Variants in EEPD1 observed in about 807,000 individuals in gnomAD.
EEPD1 encodes endonuclease/exonuclease/phosphatase family domain containing 1, also known as endonuclease/exonuclease/phosphatase family domain-containing protein 1.
A neutral mutation model predicts 46.3 loss-of-function variants in EEPD1; 17 were observed. The observed-to-expected ratio is 0.37, with a 90% confidence interval of 0.25 to 0.55. The LOEUF (loss-of-function observed/expected upper bound fraction) is 0.55, where lower values mean the gene tolerates loss of function less well. Among genes scored for constraint, EEPD1 ranks in the 20% least tolerant of loss-of-function variants. The pLI, the probability that EEPD1 is intolerant of heterozygous loss-of-function variation, is 0.83. For synonymous variants in EEPD1, 313 were observed against 315.6 expected, an observed-to-expected ratio of 0.99 and a Z score of 0.09; for missense variants, 673 against 745.6, an observed-to-expected ratio of 0.90 and a Z score of 1.13.
chr7:36,175,912 GC>G (rs375964952), intron 2 of EEPD1, among the ~76,000 whole-genome samples: 226 of 152,350 alleles, frequency 1.5e-3, no homozygotes, highest in African/African-American at 5.1e-3. Context: ...AGCCAGAGGG[GC>G]TGAGCAGGTC....
chr7:36,265,712 G>T (rs1787004297), intron 3 of EEPD1, among the ~76,000 whole-genome samples: 1 of 152,066 alleles, frequency 6.6e-6, no homozygotes, highest in African/African-American at 2.4e-5. Flanking sequence ...GTGGTTTCTT[G>T]GGTTAGGAAA....
intron 5 of EEPD1, among the ~76,000 whole-genome samples, chr7:36,287,236 CAAAAAAAAA>C (rs377318198): frequency 1.7e-4 from 7 of 42,210 alleles, no homozygotes; most frequent in South Asian, 1.7e-3. Flanking sequence ...GACTCCTTCT[CAAAAAAAAA>C]AAAAAAAAAA....
intron 3 of EEPD1, among the ~76,000 whole-genome samples, chr7:36,241,884 A>G (rs1786559465): frequency 6.6e-6 from 1 of 152,200 alleles, no homozygotes; most frequent in South Asian, 2.1e-4. Context: ...AAACCCAAAA[A>G]TAACAGTTAT....
chr7:36,190,890 T>C (rs1785449925), intron 2 of EEPD1, among the ~76,000 whole-genome samples: 1 of 152,216 alleles, frequency 6.6e-6, no homozygotes, highest in Non-Finnish European at 1.5e-5. Context: ...GGCTCAGGCA[T>C]GACTTGCAGC....
intron 2 of EEPD1, among the ~76,000 whole-genome samples, chr7:36,161,637 T>A (rs1001208189): frequency 2.0e-5 from 3 of 152,104 alleles, no homozygotes; most frequent in Admixed American, 2.0e-4. Context: ...ACAAGGCTCC[T>A]CACAGTGAGA....
intron 2 of EEPD1, among the ~76,000 whole-genome samples, chr7:36,200,601 G>T (rs1423420853): frequency 1.3e-5 from 2 of 152,204 alleles, no homozygotes; most frequent in Non-Finnish European, 2.9e-5. Flanking sequence ...TTTCTCTCAA[G>T]GACATTGTGG....
chr7:36,196,577 G>A (rs1785593736), intron 2 of EEPD1, among the ~76,000 whole-genome samples: 1 of 152,242 alleles, frequency 6.6e-6, no homozygotes, highest in African/African-American at 2.4e-5. Flanking sequence ...ACGCCTGACT[G>A]GTTTTCCTGT....
intron 2 of EEPD1, among the ~76,000 whole-genome samples, chr7:36,206,542 T>C (rs1785821165): frequency 6.6e-6 from 1 of 152,116 alleles, no homozygotes; most frequent in Non-Finnish European, 1.5e-5. Context: ...AGCCATACAC[T>C]CAGCACCTTA....
intron 2 of EEPD1, among the ~76,000 whole-genome samples, chr7:36,158,595 C>T (rs1230269182): frequency 6.6e-6 from 1 of 152,144 alleles, no homozygotes; most frequent in Non-Finnish European, 1.5e-5. Context: ...ATCATACAGT[C>T]ACCAGGAGCC....
chr7:36,245,588 G>A (rs549577126), intron 3 of EEPD1, among the ~76,000 whole-genome samples: 1 of 152,234 alleles, frequency 6.6e-6, no homozygotes, highest in Non-Finnish European at 1.5e-5. Flanking sequence ...CTCTCCTAAC[G>A]CTACACAGAG....
At chr7:36,219,723 C>G (rs896616420) in intron 2 of EEPD1, among the ~76,000 whole-genome samples, 14 of 149,964 alleles carry the variant, frequency 9.3e-5, no homozygotes, top group Non-Finnish European at 1.6e-4. Context: ...AGCCCAATCC[C>G]CTAATTACTG....
At chr7:36,173,863 T>C (rs1304113918) in intron 2 of EEPD1, among the ~76,000 whole-genome samples, 3 of 152,140 alleles carry the variant, frequency 2.0e-5, no homozygotes, top group Non-Finnish European at 4.4e-5. Flanking sequence ...GGCAGCAGAG[T>C]CCACCACCCA....
At chr7:36,209,777 C>T (rs1054633401) in intron 2 of EEPD1, among the ~76,000 whole-genome samples, 2 of 152,142 alleles carry the variant, frequency 1.3e-5, no homozygotes, top group Non-Finnish European at 2.9e-5. Flanking sequence ...ATGAGAGATC[C>T]ACCTGCATGA....
At chr7:36,166,420 T>G (rs1784981047) in intron 2 of EEPD1, among the ~76,000 whole-genome samples, 2 of 152,198 alleles carry the variant, frequency 1.3e-5, no homozygotes, top group Non-Finnish European at 2.9e-5. Flanking sequence ...TTGCAACCAC[T>G]TAATTGTGAA....
chr7:36,295,102 C>T (rs967734446), intron 6 of EEPD1, among the ~76,000 whole-genome samples: 9 of 151,186 alleles, frequency 6.0e-5, no homozygotes, highest in East Asian at 1.9e-4. Flanking sequence ...TGCTTGAACC[C>T]GAGAGGCAGA....
At position 36,299,897 on chromosome 7, in the gene EEPD1, G is replaced by A. The variant is rs1389414884; in HGVS notation, c.*691G>A. The stretch of plus-strand genomic sequence containing the variant: ...GCGCCTTTTATGTCCCCACCTTGAG[G>A]CCTTGCAGAGGCGCCTCTCAAGGCC... On this transcript the variant is annotated 3_prime_UTR_variant, in exon 8 of 8. Transcript: ENST00000242108. The A allele has an allele frequency of 1.3e-5, 2 of 152,018 alleles. No homozygotes were observed. Among genetic ancestry groups the A allele is most frequent in the Non-Finnish European group, 2.9e-5 (2 of 68,096 alleles). The allele number at this position is 152,018 out of a possible 1,614,324, so 9.4% of individuals were successfully genotyped here. A position where few individuals can be genotyped will look rare whatever the true frequency, so the allele number is the denominator to read the frequency against.
chr7:36,266,587 A>G (rs1336928949), intron 3 of EEPD1, among the ~76,000 whole-genome samples: 1 of 152,236 alleles, frequency 6.6e-6, no homozygotes, highest in Non-Finnish European at 1.5e-5. Context: ...TTCACATAAC[A>G]TAAAATTAAT....
intron 2 of EEPD1, among the ~76,000 whole-genome samples, chr7:36,197,643 C>G (rs552431218): frequency 1.3e-5 from 2 of 152,168 alleles, no homozygotes; most frequent in Non-Finnish European, 2.9e-5. Context: ...GAAACATGTG[C>G]TGTGTCCACT....
At chr7:36,296,846 A>C (rs940306376) in intron 6 of EEPD1, 147 bp from the exon 7 acceptor site, 4 of 676,018 alleles carry the variant, frequency 5.9e-6, no homozygotes, top group African/African-American at 5.4e-5. Flanking sequence ...GAAATGTGGA[A>C]GAGTGAGGAG....
Sources: gnomAD v4.1 joint callset for allele counts (sites outside exome capture counted in the v4.1 genomes callset) on GRCh38, gnomAD v4.1.1 for gene constraint, MANE v1.5 for transcripts, NCBI Gene and HGNC (gene_info 2026-07-23, HGNC 2026-07-21) for gene names.